The following TIAM2 variants were observed in gnomAD, a reference collection of about 807,000 sequenced individuals.
The protein encoded by TIAM2 is rho guanine nucleotide exchange factor TIAM2.
In TIAM2, 80 loss-of-function variants were observed where a neutral mutation model predicts 152.9. The observed-to-expected ratio is 0.52, with a 90% CI of 0.44 to 0.63. TIAM2 has a LOEUF of 0.63. Ranked by LOEUF, TIAM2 falls within the 30% of genes least tolerant of loss-of-function variation. The pLI is 0.00. For synonymous variants in TIAM2, 804 were observed against 838.0 expected (o/e 0.96, Z 0.70); for missense variants, 1,965 against 2,120.1 (o/e 0.93, Z 1.44).
At chr6:155,047,688 GGAGA>G (rs1454984198) in intron 1 of TIAM2, among the ~76,000 whole-genome samples, 15 of 44,718 alleles carry the variant, frequency 3.4e-4, no homozygotes, top group African/African-American at 8.3e-4. Flanking sequence ...GAGAGAGAGA[GGAGA>G]GAGAGAGAGA....
In TIAM2 at chr6:155,130,016, G is replaced by A; in HGVS notation, c.793G>A (p.Gly265Ser). ...GNAGELSEAEGSFLAPGMPDP... is the reference protein window; with the variant it reads ...GNAGELSEAESSFLAPGMPDP... ...TGCTGGAGAGCTGAGCGAGGCTGAG[G>A]GCTCCTTCCTGGCCCCCGGCATGCC... is the stretch of plus-strand genomic sequence containing the variant. The change falls in exon 4 of 27, where the codon GGC becomes AGC. Residue 265 changes from glycine to serine, a missense_variant. Gly to Ser is a moderately conservative substitution (Grantham distance 56). Coordinates refer to ENST00000682666, the MANE Select transcript of TIAM2 (RefSeq NM_012454.4). The A allele has an allele frequency of 6.2e-7, 1 of 1,614,108 alleles. No individual in the cohort carries two copies. The highest frequency in any genetic ancestry group is 2.2e-5 in the East Asian group (1 of 44,876).
At chr6:155,078,257 G>A (rs1777996792) in intron 1 of TIAM2, among the ~76,000 whole-genome samples, 1 of 152,038 alleles carries the variant, frequency 6.6e-6, no homozygotes, top group Admixed American at 6.6e-5. Flanking sequence ...TGTTGCTCAG[G>A]CTGGTCATGA....
intron 7 of TIAM2, among the ~76,000 whole-genome samples, chr6:155,161,848 G>A (rs1388871015): frequency 2.0e-5 from 3 of 152,148 alleles, no homozygotes; most frequent in African/African-American, 7.2e-5. Context: ...GAAGTGCTGG[G>A]ATTACAGACG....
chr6:155,173,199 G>GTCT (rs56164997), intron 9 of TIAM2, among the ~76,000 whole-genome samples: 1 of 149,656 alleles, frequency 6.7e-6, no homozygotes, highest in African/African-American at 2.5e-5. Flanking sequence ...GTGTGTGTGT[G>GTCT]TGTCTGTCTG....
rs116987938 is a variant in TIAM2 at position 155,054,659 on chromosome 6, C to A, written c.-208-35630C>A. ...GCAGTGGCTAGATCTTGGCTCACTG[C>A]AACCTCCCGCCCCCTGGGTTCAAGT... On this transcript the variant is annotated intron_variant, in intron 1 of 26. Transcript: ENST00000682666. Among the ~76,000 whole-genome samples the A allele has an allele frequency of 1.4e-3, 213 of 152,178 alleles. 4 individuals carry two copies. The East Asian group carries it at 0.035, about 25-fold the overall frequency.
chr6:155,247,768 G>C (rs752924443), intron 19 of TIAM2, among the ~76,000 whole-genome samples: 16 of 152,220 alleles, frequency 1.1e-4, no homozygotes, highest in Non-Finnish European at 1.5e-4. Flanking sequence ...TTGGGGCGCA[G>C]CCTGCATTCC....
At chr6:155,209,956 T>C in intron 14 of TIAM2, among the ~76,000 whole-genome samples, 1 of 152,218 alleles carries the variant, frequency 6.6e-6, no homozygotes, top group South Asian at 2.1e-4. Context: ...AGTTTCTTTG[T>C]TTGCAAGTCT....
Position 155,109,946 on chromosome 6 carries a change from CTTT to C in TIAM2, c.-117-17525_-117-17523del, listed in dbSNP as rs72211101. Among the ~76,000 whole-genome samples, 453 of 138,806 alleles carry C rather than the reference CTTT, an allele frequency of 3.3e-3. 3 individuals are homozygous for C. Among genetic ancestry groups the C allele is most frequent in the South Asian group, 0.019 (83 of 4,260 alleles). 91.1% of individuals were successfully genotyped at this position (138,806 alleles called of 152,430 possible). A position where few individuals can be genotyped will look rare whatever the true frequency, so the allele number is the denominator to read the frequency against. On this transcript the variant is annotated intron_variant, in intron 2 of 26. Transcript: ENST00000682666. Reference sequence around the variant, plus strand: ...AAATATATACAGACAAATGCACAGACTTTTTTTTTTTTTTTTTTTTTAAGACAG... The same window carrying C: ...AAATATATACAGACAAATGCACAGACTTTTTTTTTTTTTTTTTTAAGACAG...
At chr6:155,187,136 G>A (rs952202703) in intron 14 of TIAM2, among the ~76,000 whole-genome samples, 4 of 152,112 alleles carry the variant, frequency 2.6e-5, no homozygotes, top group Non-Finnish European at 5.9e-5. Context: ...CCCCTGTCGA[G>A]CACTTAAAAT....
chr6:155,094,075 T>A (rs182520992), intron 2 of TIAM2, among the ~76,000 whole-genome samples: 68 of 152,316 alleles, frequency 4.5e-4, no homozygotes, highest in Admixed American at 3.9e-3. Context: ...TAAATTTAAA[T>A]TGATTGCCTG....
intron 1 of TIAM2, among the ~76,000 whole-genome samples, chr6:155,041,656 TAA>T (rs1296940386): frequency 6.6e-6 from 1 of 152,214 alleles, no homozygotes; most frequent in Non-Finnish European, 1.5e-5. Context: ...GACAGATGCC[TAA>T]AATTCATGAA....
At chr6:155,088,970 TG>T (rs2114977144) in intron 1 of TIAM2, among the ~76,000 whole-genome samples, 2 of 152,326 alleles carry the variant, frequency 1.3e-5, no homozygotes, top group Non-Finnish European at 2.9e-5. Context: ...TAAGGACACA[TG>T]GTTATTGCCA....
intron 16 of TIAM2, among the ~76,000 whole-genome samples, chr6:155,242,907 TTTTTTTC>T (rs1185222433): frequency 1.6e-5 from 2 of 123,728 alleles, no homozygotes; most frequent in East Asian, 3.9e-4. Context: ...AGCTATTTTT[TTTTTTTC>T]TTTTTTTTAG....
intron 1 of TIAM2, among the ~76,000 whole-genome samples, chr6:155,033,976 C>T (rs1776872248): frequency 6.6e-6 from 1 of 152,064 alleles, no homozygotes; most frequent in Non-Finnish European, 1.5e-5. Context: ...CTCAGCCTCC[C>T]AAAGTGTTGG....
chr6:155,188,105 T>A (rs1781098723), intron 14 of TIAM2, among the ~76,000 whole-genome samples: 1 of 152,180 alleles, frequency 6.6e-6, no homozygotes, highest in African/African-American at 2.4e-5. Flanking sequence ...TGTGCAAAGT[T>A]CCCGGCACAT....
chr6:155,046,766 G>A (rs182128912), intron 1 of TIAM2, among the ~76,000 whole-genome samples: 13 of 152,186 alleles, frequency 8.5e-5, no homozygotes, highest in Admixed American at 3.3e-4. Flanking sequence ...TGCCTCTCTC[G>A]GGGAGACAGA....
At chr6:155,085,638 A>T (rs1188215597) in intron 1 of TIAM2, among the ~76,000 whole-genome samples, 2 of 152,214 alleles carry the variant, frequency 1.3e-5, no homozygotes, top group African/African-American at 4.8e-5. Flanking sequence ...ATGGGGCAGA[A>T]TCCCTAGCAC....
intron 14 of TIAM2, among the ~76,000 whole-genome samples, chr6:155,195,583 A>G (rs905140760): frequency 2.0e-5 from 3 of 152,104 alleles, no homozygotes; most frequent in Non-Finnish European, 4.4e-5. Context: ...GTGTGGACAT[A>G]CAGAGTAAGC....
At chr6:155,217,520 A>G (rs1268004320) in intron 15 of TIAM2, among the ~76,000 whole-genome samples, 1 of 152,250 alleles carries the variant, frequency 6.6e-6, no homozygotes. Context: ...TATAGCACAT[A>G]TTAATACTTA....
Sources: gnomAD v4.1 joint callset for allele counts (sites outside exome capture counted in the v4.1 genomes callset) on GRCh38, gnomAD v4.1.1 for gene constraint, MANE v1.5 for transcripts, NCBI Gene and HGNC (gene_info 2026-07-23, HGNC 2026-07-21) for gene names.